TEKT1: variants seen among roughly 807,000 people sequenced by gnomAD.
The protein encoded by TEKT1 is tektin-1.
In TEKT1, 32 loss-of-function variants were observed where a neutral mutation model predicts 34.8. That is an observed-to-expected ratio of 0.92 (90% CI 0.69 to 1.23). The LOEUF (loss-of-function observed/expected upper bound fraction) is 1.23, where lower values mean the gene tolerates loss of function less well. TEKT1 is among the 50% of genes most tolerant of loss of function. The pLI, the probability that TEKT1 is intolerant of heterozygous loss-of-function variation, is 0.00. For missense variants in TEKT1, 492 were observed against 518.5 expected (o/e 0.95, Z 0.50); for synonymous variants, 207 against 199.8 (o/e 1.04, Z -0.30).
intron 6 of TEKT1, among the ~76,000 whole-genome samples, chr17:6,810,680 A>G (rs7224971): frequency 6.6e-6 from 1 of 152,136 alleles, no homozygotes. Flanking sequence ...AGTGACATGT[A>G]TATAACTTGA....
At chr17:6,808,728 A>G (rs1157363221) in intron 6 of TEKT1, among the ~76,000 whole-genome samples, 3 of 152,212 alleles carry the variant, frequency 2.0e-5, no homozygotes, top group African/African-American at 7.2e-5. Context: ...TTCGAATGCT[A>G]TCTTCAAATT....
intron 6 of TEKT1, among the ~76,000 whole-genome samples, chr17:6,807,743 T>C (rs1976865689): frequency 6.6e-6 from 1 of 152,216 alleles, no homozygotes; most frequent in Non-Finnish European, 1.5e-5. Context: ...CTCCAAACCC[T>C]GTTTGCCTGG....
intron 2 of TEKT1, among the ~76,000 whole-genome samples, chr17:6,827,605 G>A (rs145609989): frequency 2.6e-5 from 4 of 152,168 alleles, no homozygotes; most frequent in African/African-American, 9.6e-5. Flanking sequence ...ATGAATTTTA[G>A]AAGCAGTTTG....
Position 6,800,257 on chromosome 17 carries a change from A to G in TEKT1, c.1050-23T>C, listed in dbSNP as rs777008139. ...AATCTAGGAGAAAGGGAAGAAGAGA[A>G]GAGAATAATTTCTCTCTATGCATTG... On this transcript the variant is annotated intron_variant, in intron 7 of 7. Coordinates refer to ENST00000338694, the MANE Select transcript of TEKT1 (RefSeq NM_053285.2). 25 of 1,607,146 alleles carry G rather than the reference A, an allele frequency of 1.6e-5. No homozygotes were observed. In the Admixed American group the frequency reaches 4.2e-4, roughly 27 times the overall value.
At chr17:6,817,122 T>C (rs1442124411) in intron 3 of TEKT1, among the ~76,000 whole-genome samples, 3 of 152,198 alleles carry the variant, frequency 2.0e-5, no homozygotes, top group Non-Finnish European at 4.4e-5. Flanking sequence ...ACGCCTGTAA[T>C]CCCAGCATTT....
At chr17:6,829,952 C>T (rs1176762750) in intron 2 of TEKT1, among the ~76,000 whole-genome samples, 1 of 152,098 alleles carries the variant, frequency 6.6e-6, no homozygotes, top group East Asian at 1.9e-4. Flanking sequence ...CCCATAGATG[C>T]TCAATAACTG....
In TEKT1 at chr17:6,816,368, C is replaced by T. The variant is rs191197239; in HGVS notation, c.357-406G>A. 4.6e-5 allele frequency among the ~76,000 whole-genome samples: 7 copies of T among 152,262 alleles called. No individual in the cohort carries two copies. In the East Asian group the frequency reaches 1.3e-3, roughly 29 times the overall value. On this transcript the variant is annotated intron_variant, in intron 3 of 7. Coordinates refer to ENST00000338694, the MANE Select transcript of TEKT1 (RefSeq NM_053285.2). Reference sequence around the variant, plus strand: ...TTTATATTATGTATTTCTCCTAATGCTATCCCTCCCCCAGCCCCCCACACC... The same window carrying T: ...TTTATATTATGTATTTCTCCTAATGTTATCCCTCCCCCAGCCCCCCACACC...
intron 7 of TEKT1, 78 bp downstream of exon 7, chr17:6,800,669 G>A: frequency 6.7e-7 from 1 of 1,488,748 alleles, no homozygotes; most frequent in East Asian, 2.3e-5. Flanking sequence ...CACGCTGCTG[G>A]TCACTATCTA....
chr17:6,821,156 T>G (rs1217096922), intron 2 of TEKT1, among the ~76,000 whole-genome samples: 1 of 152,198 alleles, frequency 6.6e-6, no homozygotes, highest in African/African-American at 2.4e-5. Flanking sequence ...ACTTATTTAA[T>G]TGTTGTGTCA....
intron 7 of TEKT1, 67 bp from the exon 8 acceptor site, chr17:6,800,301 T>C: frequency 6.9e-7 from 1 of 1,446,860 alleles, no homozygotes; most frequent in Non-Finnish European, 9.4e-7. Flanking sequence ...AGGGAAAGAA[T>C]GTTCCCCAGT....
At chr17:6,803,821 C>A (rs1368525328) in intron 6 of TEKT1, among the ~76,000 whole-genome samples, 2 of 152,122 alleles carry the variant, frequency 1.3e-5, no homozygotes, top group Admixed American at 1.3e-4. Flanking sequence ...TGGTCTACAT[C>A]TCTGTTTTGG....
chr17:6,800,083 C>A lies in TEKT1; in HGVS notation c.1201G>T (p.Asp401Tyr), dbSNP rs1976746612. The A allele has an allele frequency of 6.2e-7, 1 of 1,613,366 alleles. No individual in the cohort carries two copies. The highest frequency in any genetic ancestry group is 8.5e-7 in the Non-Finnish European group (1 of 1,180,014). The change falls in exon 8 of 8, where the codon GAT becomes TAT. Residue 401 changes from aspartate (D) to tyrosine (Y), a missense_variant. By Grantham distance (160) the Asp-to-Tyr change is radical (BLOSUM62 -3). Transcript: ENST00000338694. ...MQMRKSIPLR[D>Y]GEDHGVWAGG... Reference sequence around the variant, plus strand: ...GCCCAGACCCCATGGTCTTCCCCATCCCGAAGTGGGATGGATTTCCTCATC... The same window carrying A: ...GCCCAGACCCCATGGTCTTCCCCATACCGAAGTGGGATGGATTTCCTCATC...
chr17:6,830,496 A>G, intron 1 of TEKT1, 103 bp from the exon 2 acceptor site: 1 of 812,658 alleles, frequency 1.2e-6, no homozygotes, highest in Non-Finnish European at 1.9e-6. Context: ...TGCATAAATC[A>G]TAATCTGTAC....
At chr17:6,821,267 G>A (rs149721448) in intron 2 of TEKT1, among the ~76,000 whole-genome samples, 118 of 152,322 alleles carry the variant, frequency 7.7e-4, no homozygotes, top group African/African-American at 2.7e-3. Flanking sequence ...CTTGGTGGGA[G>A]ATAATTGGAT....
In TEKT1 at chr17:6,798,139, G is replaced by A. The variant is rs1262602313; in HGVS notation, c.*1888C>T. 2 of 152,190 alleles carry A rather than the reference G, an allele frequency of 1.3e-5. No homozygotes were observed. Among genetic ancestry groups the A allele is most frequent in the Admixed American group, 1.3e-4 (2 of 15,282 alleles). The allele number at this position is 152,190 out of a possible 1,614,324, so 9.4% of individuals were successfully genotyped here. A position where few individuals can be genotyped will look rare whatever the true frequency, so the allele number is the denominator to read the frequency against. On this transcript the variant is annotated 3_prime_UTR_variant, in exon 8 of 8. Transcript: ENST00000338694. ...ACACTGTGTTGAGAGTCTTCCACAC[G>A]TTATCTCGCCAATCTAGGCTTTATT...
intron 6 of TEKT1, among the ~76,000 whole-genome samples, chr17:6,804,539 A>G (rs1336524999): frequency 6.6e-6 from 1 of 152,214 alleles, no homozygotes; most frequent in East Asian, 1.9e-4. Context: ...GTCTTGTGCC[A>G]GTTTTCAAAG....
chr17:6,818,150 G>A (rs1977033123), intron 3 of TEKT1, among the ~76,000 whole-genome samples: 2 of 152,114 alleles, frequency 1.3e-5, no homozygotes, highest in Non-Finnish European at 2.9e-5. Context: ...AGGTCACTGG[G>A]GGCCCTATCA....
intron 2 of TEKT1, among the ~76,000 whole-genome samples, chr17:6,822,163 A>T (rs980552781): frequency 2.6e-5 from 4 of 152,146 alleles, no homozygotes; most frequent in African/African-American, 9.6e-5. Context: ...TAGAGACAGG[A>T]TCTCACTCTG....
intron 6 of TEKT1, 33 bp downstream of exon 6, chr17:6,812,798 G>T (rs764494501): frequency 6.3e-6 from 10 of 1,594,884 alleles, no homozygotes; most frequent in Admixed American, 1.7e-5. Flanking sequence ...TCCTGAATCT[G>T]CTCTTCTTCC....
Sources: gnomAD v4.1 joint callset for allele counts (sites outside exome capture counted in the v4.1 genomes callset) on GRCh38, gnomAD v4.1.1 for gene constraint, MANE v1.5 for transcripts, NCBI Gene and HGNC (gene_info 2026-07-23, HGNC 2026-07-21) for gene names.